Variants in SUSD6 observed in about 807,000 individuals in gnomAD.
SUSD6 encodes sushi domain-containing protein 6.
A neutral mutation model predicts 28.4 loss-of-function variants in SUSD6; 16 were observed. The observed-to-expected ratio is 0.56, with a 90% CI of 0.38 to 0.86. The LOEUF (loss-of-function observed/expected upper bound fraction) is 0.86. SUSD6 is among the 40% of genes least tolerant of loss of function. The probability of loss-of-function intolerance (pLI) is 0.00; values close to 1 mark genes in which losing one functional copy is unlikely to be tolerated. For synonymous variants in SUSD6, 147 were observed against 159.6 expected, an observed-to-expected ratio of 0.92 and a Z score of 0.59; for missense variants, 341 against 384.2, an observed-to-expected ratio of 0.89 and a Z score of 0.94.
intron 5 of SUSD6, 97 bp downstream of exon 5, chr14:69,709,201 T>C: frequency 8.4e-7 from 1 of 1,186,412 alleles, no homozygotes; most frequent in Non-Finnish European, 1.2e-6. Context: ...TGGTATATTT[T>C]TAGCAAAAAA....
intron 1 of SUSD6, among the ~76,000 whole-genome samples, chr14:69,651,636 T>C (rs1419812441): frequency 6.6e-6 from 1 of 152,148 alleles, no homozygotes; most frequent in Non-Finnish European, 1.5e-5. Context: ...TAGAAGTTAG[T>C]AGGACTGGAA....
intron 2 of SUSD6, among the ~76,000 whole-genome samples, chr14:69,696,017 CTCTT>C (rs1215037905): frequency 3.3e-5 from 5 of 152,344 alleles, no homozygotes; most frequent in Non-Finnish European, 7.3e-5. Context: ...CTGGGTATAA[CTCTT>C]TCTTTTATAT....
At chr14:69,635,051 T>TTGA (rs369240515) in intron 1 of SUSD6, among the ~76,000 whole-genome samples, 78 of 152,142 alleles carry the variant, frequency 5.1e-4, no homozygotes, top group African/African-American at 6.8e-4. Context: ...ATTAAGTCCT[T>TTGA]TGATGATGAT....
chr14:69,711,111 C>T lies in SUSD6; in HGVS notation c.*132C>T. The T allele has an allele frequency of 1.1e-6, 1 of 873,762 alleles. No individual in the cohort carries two copies. Among genetic ancestry groups the T allele is most frequent in the Non-Finnish European group, 1.9e-6 (1 of 531,530 alleles). 54.1% of individuals were successfully genotyped at this position (873,762 alleles called of 1,614,324 possible). On this transcript the variant is annotated 3_prime_UTR_variant, in exon 6 of 6. Coordinates refer to ENST00000342745, the MANE Select transcript of SUSD6 (RefSeq NM_014734.4). ...AGCTGCCACCTGTGTATCTGTGTAT[C>T]TCTGAGGGCCCTATAGGCCCACCTT...
intron 2 of SUSD6, among the ~76,000 whole-genome samples, chr14:69,679,520 C>T (rs1885966862): frequency 6.6e-6 from 1 of 151,490 alleles, no homozygotes; most frequent in Admixed American, 6.6e-5. Context: ...GGCCCATGGG[C>T]TGCATGTGGC....
chr14:69,664,103 C>T (rs367806553), intron 2 of SUSD6, among the ~76,000 whole-genome samples: 30 of 152,148 alleles, frequency 2.0e-4, no homozygotes, highest in African/African-American at 3.1e-4. Context: ...CTCAGTCTCC[C>T]GAGTAGCTGG....
chr14:69,655,945 A>G (rs1158401245), intron 1 of SUSD6, among the ~76,000 whole-genome samples: 1 of 152,162 alleles, frequency 6.6e-6, no homozygotes, highest in Non-Finnish European at 1.5e-5. Flanking sequence ...GTTTAGTCTT[A>G]TAATTTCCCT....
intron 2 of SUSD6, among the ~76,000 whole-genome samples, chr14:69,679,244 T>C (rs1885962719): frequency 6.6e-6 from 1 of 152,230 alleles, no homozygotes; most frequent in African/African-American, 2.4e-5. Flanking sequence ...CATATTAAGA[T>C]GCTATATTAC....
At chr14:69,667,463 G>A (rs1431609903) in intron 2 of SUSD6, among the ~76,000 whole-genome samples, 1 of 141,922 alleles carries the variant, frequency 7.0e-6, no homozygotes, top group South Asian at 2.3e-4. Flanking sequence ...TGCAAGCTCC[G>A]CCTCCTGGGT....
At chr14:69,676,074 G>A (rs1042541901) in intron 2 of SUSD6, among the ~76,000 whole-genome samples, 2 of 152,168 alleles carry the variant, frequency 1.3e-5, no homozygotes, top group Non-Finnish European at 2.9e-5. Context: ...GTCTAATGGG[G>A]GGAAAAGATA....
intron 1 of SUSD6, among the ~76,000 whole-genome samples, chr14:69,612,223 A>G (rs767129843): frequency 4.4e-4 from 67 of 152,182 alleles, no homozygotes; most frequent in South Asian, 8.3e-4. Context: ...CCTCTGTGCC[A>G]CTGTCATTAC....
chr14:69,631,172 A>G (rs1428135569), intron 1 of SUSD6, among the ~76,000 whole-genome samples: 2 of 152,220 alleles, frequency 1.3e-5, no homozygotes, highest in African/African-American at 2.4e-5. Flanking sequence ...ATCAGCCCTC[A>G]CATGTGCATG....
At chr14:69,698,824 TGGAAAG>T (rs2139642580) in intron 2 of SUSD6, among the ~76,000 whole-genome samples, 1 of 152,362 alleles carries the variant, frequency 6.6e-6, no homozygotes, top group South Asian at 2.1e-4. Flanking sequence ...TGGGACAGAA[TGGAAAG>T]CAGAGAGGAA....
At chr14:69,709,597 G>GT (rs1886434662) in intron 5 of SUSD6, among the ~76,000 whole-genome samples, 1 of 152,200 alleles carries the variant, frequency 6.6e-6, no homozygotes, top group Non-Finnish European at 1.5e-5. Context: ...TAAGACACAG[G>GT]TATTTATTGA....
intron 2 of SUSD6, among the ~76,000 whole-genome samples, chr14:69,678,521 G>A (rs1316001711): frequency 1.3e-5 from 2 of 151,918 alleles, no homozygotes; most frequent in South Asian, 2.1e-4. Context: ...ACAATGCTGC[G>A]GCTGGGCATG....
intron 2 of SUSD6, among the ~76,000 whole-genome samples, chr14:69,659,409 C>T (rs1885630477): frequency 6.6e-6 from 1 of 152,164 alleles, no homozygotes; most frequent in Non-Finnish European, 1.5e-5. Context: ...ACTTCTTTGC[C>T]CCTCAGTAAA....
Position 69,714,194 on chromosome 14 carries a change from C to T in SUSD6, c.*3215C>T, listed in dbSNP as rs1486077626. The T allele has an allele frequency of 1.3e-5, 2 of 152,180 alleles. No individual in the cohort carries two copies. The highest frequency in any genetic ancestry group is 2.4e-5 in the African/African-American group (1 of 41,436). The allele number at this position is 152,180 out of a possible 1,614,324, so 9.4% of individuals were successfully genotyped here. On this transcript the variant is annotated 3_prime_UTR_variant, in exon 6 of 6. Transcript: ENST00000342745. ...TTCTTTCCCATTCATCTTGCCCTCC[C>T]CCTCCTCCCGCCAGCTTTAAAGTTC...
intron 2 of SUSD6, among the ~76,000 whole-genome samples, chr14:69,696,798 G>A (rs996182079): frequency 5.3e-5 from 8 of 152,226 alleles, no homozygotes; most frequent in African/African-American, 1.9e-4. Flanking sequence ...TGTGCTATAA[G>A]TGTAACCGGA....
chr14:69,680,581 G>T (rs1296953732), intron 2 of SUSD6, among the ~76,000 whole-genome samples: 1 of 151,862 alleles, frequency 6.6e-6, no homozygotes, highest in Non-Finnish European at 1.5e-5. Flanking sequence ...TTATGGTAAG[G>T]TCCATTCTTC....
Sources: gnomAD v4.1 joint callset for allele counts (sites outside exome capture counted in the v4.1 genomes callset) on GRCh38, gnomAD v4.1.1 for gene constraint, MANE v1.5 for transcripts, NCBI Gene and HGNC (gene_info 2026-07-23, HGNC 2026-07-21) for gene names.